Variants in SORBS2 observed in about 807,000 individuals in gnomAD.
SORBS2 encodes sorbin and SH3 domain containing 2.
A neutral mutation model predicts 97.7 loss-of-function variants in SORBS2; 46 were observed. The ratio of observed to expected loss-of-function variants is 0.47; its 90% CI spans 0.37 to 0.60. SORBS2 has a LOEUF of 0.60. Among genes scored for constraint, SORBS2 ranks in the 20% least tolerant of loss-of-function variants. SORBS2 has a pLI of 0.00. For synonymous variants in SORBS2, 476 were observed against 473.4 expected, an observed-to-expected ratio of 1.01 and a Z score of -0.07; for missense variants, 1,316 against 1,282.3, an observed-to-expected ratio of 1.03 and a Z score of -0.40.
chr4:185,842,421 G>C (rs991653373), intron 1 of SORBS2, among the ~76,000 whole-genome samples: 1 of 152,162 alleles, frequency 6.6e-6, no homozygotes, highest in Non-Finnish European at 1.5e-5. Context: ...AGAGCATGCA[G>C]GCCTTCTTAG....
At position 185,654,076 on chromosome 4, in the gene SORBS2, A is replaced by G. The variant is rs911461219; in HGVS notation, c.25-1348T>C. On this transcript the variant is annotated intron_variant, in intron 1 of 14. Coordinates refer to ENST00000418609, the Ensembl canonical transcript of SORBS2. ...AATTTATTTTGACCTCTGAGAATAT[A>G]TTATTCTGAAAAATCACCCCAAATA... 2.6e-5 allele frequency among the ~76,000 whole-genome samples: 4 copies of G among 152,156 alleles called. No homozygotes were observed. In the East Asian group the frequency reaches 7.7e-4, roughly 29 times the overall value.
intron 2 of SORBS2, among the ~76,000 whole-genome samples, chr4:185,731,651 T>C (rs1301915163): frequency 3.4e-5 from 3 of 87,754 alleles, no homozygotes; most frequent in African/African-American, 1.9e-4. Context: ...TGCCTATCTC[T>C]CTCCCTCCCT....
intron 1 of SORBS2, among the ~76,000 whole-genome samples, chr4:185,783,971 G>A (rs1266476500): frequency 6.6e-6 from 1 of 152,172 alleles, no homozygotes; most frequent in East Asian, 1.9e-4. Context: ...GATCCATTTT[G>A]CAGCCTTCCT....
At chr4:185,680,660 T>C (rs1325948028) in intron 2 of SORBS2, among the ~76,000 whole-genome samples, 3 of 152,068 alleles carry the variant, frequency 2.0e-5, no homozygotes, top group Non-Finnish European at 4.4e-5. Context: ...TTGGTAAAAC[T>C]GAGATAAAAA....
At chr4:185,921,341 C>T (rs781521961) in intron 1 of SORBS2, among the ~76,000 whole-genome samples, 26 of 152,178 alleles carry the variant, frequency 1.7e-4, no homozygotes, top group African/African-American at 2.9e-4. Context: ...TATAACGTGA[C>T]TTCAAAACCG....
At chr4:185,740,952 A>G (rs72496330) in intron 2 of SORBS2, among the ~76,000 whole-genome samples, 20,674 of 151,584 alleles carry the variant, frequency 0.14, 1,388 homozygotes, top group Middle Eastern at 0.23. Flanking sequence ...AACTCAGCCC[A>G]GCACCAACTC....
At chr4:185,733,745 G>A (rs2098662313) in intron 2 of SORBS2, among the ~76,000 whole-genome samples, 1 of 152,176 alleles carries the variant, frequency 6.6e-6, no homozygotes, top group Non-Finnish European at 1.5e-5. Context: ...TCTGAAATAA[G>A]GCAGAGTGAA....
At position 185,923,472 on chromosome 4, in the gene SORBS2, A is replaced by ATTTTTTTTTTTTTTT. The variant is rs535695706; in HGVS notation, c.-338+32723_-338+32724insAAAAAAAAAAAAAAA. Among the ~76,000 whole-genome samples, 430 of 110,414 alleles carry ATTTTTTTTTTTTTTT rather than the reference A, an allele frequency of 3.9e-3. 32 individuals are homozygous for ATTTTTTTTTTTTTTT. Among genetic ancestry groups the ATTTTTTTTTTTTTTT allele is most frequent in the African/African-American group, 0.01 (284 of 28,314 alleles). The allele number at this position is 110,414 out of a possible 152,430, so 72.4% of individuals were successfully genotyped here. A position where few individuals can be genotyped will look rare whatever the true frequency, so the allele number is the denominator to read the frequency against. ...TGCTTGGCTAAGTTTCTTTTTTTTA[A>ATTTTTTTTTTTTTTT]TTTTTTTTTTTTGTAGAGACAGGAC... On this transcript the variant is annotated intron_variant, in intron 1 of 20. Coordinates refer to the SORBS2 transcript ENST00000284776.
Position 185,894,693 on chromosome 4 carries a change from C to G in SORBS2, c.-338+61503G>C, listed in dbSNP as rs115747938. On this transcript the variant is annotated intron_variant, in intron 1 of 20. Coordinates refer to the SORBS2 transcript ENST00000284776. The stretch of plus-strand genomic sequence containing the variant: ...GCTTTTGAGGTTCAGCCAATCAGCT[C>G]CATTGCGCTGACACAGCTCAGCTTA... 5.3e-3 allele frequency among the ~76,000 whole-genome samples: 806 copies of G among 152,298 alleles called. 5 individuals carry two copies. Among genetic ancestry groups the G allele is most frequent in the African/African-American group, 0.018 (752 of 41,564 alleles).
At chr4:185,652,811 G>A (rs2097336467) in intron 1 of SORBS2, 83 bp from the exon 10 acceptor site, 3 of 1,024,782 alleles carry the variant, frequency 2.9e-6, no homozygotes, top group Non-Finnish European at 4.6e-6. Context: ...TCTATTTTAT[G>A]TTCTTAATAA....
At chr4:185,761,552 A>T (rs1337091961) in intron 2 of SORBS2, 1 of 152,248 alleles carries the variant, frequency 6.6e-6, no homozygotes, top group Non-Finnish European at 1.5e-5. Flanking sequence ...GGACAAGTAC[A>T]GAGTCTTGAG....
chr4:185,867,945 C>G (rs2099227918), intron 1 of SORBS2, among the ~76,000 whole-genome samples: 1 of 152,034 alleles, frequency 6.6e-6, no homozygotes, highest in Non-Finnish European at 1.5e-5. Flanking sequence ...AGCTCTATCT[C>G]ATCTGTTAGA....
At chr4:185,939,604 A>G (rs897682061) in intron 1 of SORBS2, among the ~76,000 whole-genome samples, 2 of 152,002 alleles carry the variant, frequency 1.3e-5, no homozygotes, top group Admixed American at 6.6e-5. Flanking sequence ...TCTGCCTCCC[A>G]GGTTCAAGCG....
At chr4:185,592,257 T>A (rs1476328617) in intron 13 of SORBS2, among the ~76,000 whole-genome samples, 1 of 152,228 alleles carries the variant, frequency 6.6e-6, no homozygotes, top group Non-Finnish European at 1.5e-5. Context: ...AACTTATTTT[T>A]AAATGAAAGC....
At chr4:185,686,212 A>G (rs907644788) in intron 2 of SORBS2, among the ~76,000 whole-genome samples, 1 of 152,152 alleles carries the variant, frequency 6.6e-6, no homozygotes, top group African/African-American at 2.4e-5. Flanking sequence ...TTTCATAAGG[A>G]AAGTATCAAG....
intron 1 of SORBS2, among the ~76,000 whole-genome samples, chr4:185,872,738 G>C (rs1197305861): frequency 6.6e-6 from 1 of 152,200 alleles, no homozygotes. Flanking sequence ...AAGAGGGAGG[G>C]AGGATCTTTT....
At chr4:185,695,898 T>C (rs998836797) in intron 2 of SORBS2, among the ~76,000 whole-genome samples, 1 of 152,178 alleles carries the variant, frequency 6.6e-6, no homozygotes, top group African/African-American at 2.4e-5. Context: ...GCTCAGAGAC[T>C]CCTCTGCCTG....
intron 2 of SORBS2, among the ~76,000 whole-genome samples, chr4:185,727,051 G>A (rs1465873400): frequency 1.3e-5 from 2 of 152,188 alleles, no homozygotes; most frequent in Admixed American, 6.5e-5. Context: ...GGGACATTAA[G>A]TACGCTTTGA....
intron 4 of SORBS2, among the ~76,000 whole-genome samples, chr4:185,670,029 G>C (rs2097686640): frequency 1.3e-5 from 2 of 152,190 alleles, no homozygotes; most frequent in African/African-American, 4.8e-5. Context: ...GACCAGCCTG[G>C]ACAACATGGT....
Sources: gnomAD v4.1 joint callset for allele counts (sites outside exome capture counted in the v4.1 genomes callset) on GRCh38, gnomAD v4.1.1 for gene constraint, MANE v1.5 for transcripts, NCBI Gene and HGNC (gene_info 2026-07-23, HGNC 2026-07-21) for gene names.